DNAJB6: variants seen among roughly 807,000 people sequenced by gnomAD.
The protein encoded by DNAJB6 is dnaJ homolog subfamily B member 6.
A neutral mutation model predicts 42.7 loss-of-function variants in DNAJB6; 16 were observed. The ratio of observed to expected loss-of-function variants is 0.37; its 90% CI spans 0.25 to 0.57. The LOEUF is 0.57. Ranked by LOEUF, DNAJB6 falls within the 20% of genes least tolerant of loss-of-function variation. DNAJB6 has a pLI of 0.74. For synonymous variants in DNAJB6, 170 were observed against 163.5 expected (o/e 1.04, Z -0.30); for missense variants, 347 against 416.8 (o/e 0.83, Z 1.46).
intron 1 of DNAJB6, among the ~76,000 whole-genome samples, chr7:157,350,408 A>G (rs1272509325): frequency 6.6e-6 from 1 of 152,212 alleles, no homozygotes; most frequent in African/African-American, 2.4e-5. Flanking sequence ...CATAATTTGA[A>G]TAAGGACCAA....
chr7:157,390,206 C>T (rs1801271538), intron 8 of DNAJB6, among the ~76,000 whole-genome samples: 1 of 152,208 alleles, frequency 6.6e-6, no homozygotes, highest in Non-Finnish European at 1.5e-5. Context: ...GAGGCTTACT[C>T]CCCACACCCC....
intron 1 of DNAJB6, among the ~76,000 whole-genome samples, chr7:157,352,238 A>G (rs1299104526): frequency 6.6e-6 from 1 of 151,976 alleles, no homozygotes. Flanking sequence ...CTGAGACAGG[A>G]AAGTCGCTTG....
Position 157,366,494 on chromosome 7 carries a change from A to G in DNAJB6, c.176-8A>G. 1.9e-6 allele frequency: 3 copies of G among 1,613,838 alleles called. No homozygotes were observed. The highest frequency in any genetic ancestry group is 1.7e-6 in the Non-Finnish European group (2 of 1,179,902). On this transcript the variant is annotated splice_region_variant and splice_polypyrimidine_tract_variant and intron_variant, in intron 3 of 9. Coordinates refer to ENST00000262177, the MANE Select transcript of DNAJB6 (RefSeq NM_058246.4). ...CTTGGCCTTACCGACTTTTCTTTCAATTTTTAGCTAAGAAACGGGACATCT... is the reference window on the plus strand; with the variant it reads ...CTTGGCCTTACCGACTTTTCTTTCAGTTTTTAGCTAAGAAACGGGACATCT...
intron 2 of DNAJB6, 43 bp downstream of exon 2, chr7:157,358,680 A>T (rs1799430225): frequency 6.8e-7 from 1 of 1,481,140 alleles, no homozygotes; most frequent in Admixed American, 1.7e-5. Flanking sequence ...TCACAGTGGT[A>T]CATTGGTAAT....
At chr7:157,387,788 T>G (rs2117104732) in intron 8 of DNAJB6, among the ~76,000 whole-genome samples, 1 of 151,550 alleles carries the variant, frequency 6.6e-6, no homozygotes, top group East Asian at 1.9e-4. Flanking sequence ...AAAATTTTTT[T>G]TTGAGGAGGA....
intron 1 of DNAJB6, among the ~76,000 whole-genome samples, chr7:157,339,101 A>G (rs1563103060): frequency 6.6e-6 from 1 of 152,146 alleles, no homozygotes; most frequent in Non-Finnish European, 1.5e-5. Context: ...AAATATGCAT[A>G]TGGTATTACA....
At chr7:157,355,232 T>C (rs1484707079) in intron 1 of DNAJB6, among the ~76,000 whole-genome samples, 1 of 152,234 alleles carries the variant, frequency 6.6e-6, no homozygotes, top group Non-Finnish European at 1.5e-5. Context: ...CGATCTCGGC[T>C]CACTGCAGGC....
intron 2 of DNAJB6, among the ~76,000 whole-genome samples, chr7:157,359,964 G>T (rs1799495209): frequency 6.6e-6 from 1 of 152,232 alleles, no homozygotes. Flanking sequence ...ACACTGTGAG[G>T]AAGCCTGTGC....
chr7:157,389,826 G>A (rs1801254331), intron 8 of DNAJB6, among the ~76,000 whole-genome samples: 1 of 152,234 alleles, frequency 6.6e-6, no homozygotes, highest in Non-Finnish European at 1.5e-5. Context: ...CCTGGCTTCT[G>A]TGCTTTGGTC....
chr7:157,341,052 C>G (rs1425659449), intron 1 of DNAJB6, among the ~76,000 whole-genome samples: 2 of 151,754 alleles, frequency 1.3e-5, no homozygotes, highest in Admixed American at 1.3e-4. Context: ...GAACTCCTGG[C>G]CTCAAGTGAG....
chr7:157,389,812 C>G (rs748966392), intron 8 of DNAJB6, among the ~76,000 whole-genome samples: 1 of 152,228 alleles, frequency 6.6e-6, no homozygotes, highest in Non-Finnish European at 1.5e-5. Flanking sequence ...GTTAGAAGGC[C>G]TGTCCTGGCT....
intron 8 of DNAJB6, among the ~76,000 whole-genome samples, chr7:157,399,030 G>C (rs1801725540): frequency 6.6e-6 from 1 of 152,240 alleles, no homozygotes; most frequent in African/African-American, 2.4e-5. Flanking sequence ...AGTGGTGTTG[G>C]CTCTCAGAGG....
At chr7:157,407,883 C>A (rs1026836881) in intron 8 of DNAJB6, among the ~76,000 whole-genome samples, 1 of 152,168 alleles carries the variant, frequency 6.6e-6, no homozygotes, top group Non-Finnish European at 1.5e-5. Context: ...CCTCCTCGCT[C>A]CCAGCCTGCA....
At position 157,367,984 on chromosome 7, in the gene DNAJB6, C is replaced by T. The variant is rs980447445; in HGVS notation, c.346+501C>T. Among the ~76,000 whole-genome samples the T allele has an allele frequency of 3.2e-4, 48 of 152,148 alleles. 1 individual carries two copies. The highest frequency in any genetic ancestry group is 1.1e-3 in the African/African-American group (46 of 41,500). ...CAACAAAAAAAATACTAAAAATTAG[C>T]TGAGTGTGGTGGCGTGTGCCTGTGG... On this transcript the variant is annotated intron_variant, in intron 5 of 9. Transcript: ENST00000262177.
At chr7:157,397,822 C>T (rs1490469673) in intron 8 of DNAJB6, among the ~76,000 whole-genome samples, 3 of 152,268 alleles carry the variant, frequency 2.0e-5, no homozygotes, top group Admixed American at 1.3e-4. Flanking sequence ...GAGCCCATCA[C>T]GTGGCTGGCA....
At chr7:157,374,862 C>T (rs149823053) in intron 5 of DNAJB6, among the ~76,000 whole-genome samples, 34 of 152,294 alleles carry the variant, frequency 2.2e-4, no homozygotes, top group African/African-American at 7.5e-4. Flanking sequence ...GTCCCCCTAA[C>T]AGGTCTTTGT....
At chr7:157,345,927 G>A (rs1798661087) in intron 1 of DNAJB6, among the ~76,000 whole-genome samples, 1 of 152,064 alleles carries the variant, frequency 6.6e-6, no homozygotes, top group African/African-American at 2.4e-5. Flanking sequence ...TTCTTGGTGA[G>A]GGAAGCTGGT....
chr7:157,371,649 A>C (rs909209407), intron 5 of DNAJB6, among the ~76,000 whole-genome samples: 2 of 152,256 alleles, frequency 1.3e-5, no homozygotes, highest in Non-Finnish European at 2.9e-5. Flanking sequence ...AAATTTCCAG[A>C]ATGTGGAGCA....
At position 157,357,796 on chromosome 7, in the gene DNAJB6, G is replaced by T. The variant is rs79519564; in HGVS notation, c.-26-751G>T. 2.1e-4 allele frequency among the ~76,000 whole-genome samples: 32 copies of T among 152,286 alleles called. No homozygotes were observed. In the East Asian group the frequency reaches 5.2e-3, roughly 25 times the overall value. Reference sequence around the variant, plus strand: ...GGTTTCATTGTACATTTTACTGCCCGGGGAAGTAACAAGGTTGAACCACGT... The same window carrying T: ...GGTTTCATTGTACATTTTACTGCCCTGGGAAGTAACAAGGTTGAACCACGT... On this transcript the variant is annotated intron_variant, in intron 1 of 9. Transcript: ENST00000262177.
Sources: gnomAD v4.1 joint callset for allele counts (sites outside exome capture counted in the v4.1 genomes callset) on GRCh38, gnomAD v4.1.1 for gene constraint, MANE v1.5 for transcripts, NCBI Gene and HGNC (gene_info 2026-07-23, HGNC 2026-07-21) for gene names.